Variants in PLXDC2 observed in about 807,000 individuals in gnomAD.
PLXDC2 encodes the protein plexin domain-containing protein 2.
A neutral mutation model predicts 68.9 loss-of-function variants in PLXDC2; 40 were observed. The observed-to-expected ratio is 0.58, with a 90% CI of 0.45 to 0.76. The LOEUF is 0.76. PLXDC2 is among the 30% of genes least tolerant of loss of function. PLXDC2 has a pLI of 0.00. For synonymous variants in PLXDC2, 243 were observed against 234.2 expected (o/e 1.04, Z -0.34); for missense variants, 644 against 661.9 (o/e 0.97, Z 0.30).
At chr10:19,988,152 T>C (rs1051764342) in intron 1 of PLXDC2, among the ~76,000 whole-genome samples, 7 of 152,024 alleles carry the variant, frequency 4.6e-5, no homozygotes, top group Middle Eastern at 3.4e-3. Context: ...TTACTATCCT[T>C]TCGTTAGAAT....
intron 1 of PLXDC2, among the ~76,000 whole-genome samples, chr10:19,846,176 G>A (rs1337171841): frequency 1.3e-5 from 2 of 152,130 alleles, no homozygotes; most frequent in Non-Finnish European, 2.9e-5. Context: ...CCACCCTAAA[G>A]AATAAATATA....
chr10:20,218,324 A>AAAAAT (rs1835167092), intron 11 of PLXDC2, among the ~76,000 whole-genome samples: 1 of 151,476 alleles, frequency 6.6e-6, no homozygotes, highest in Admixed American at 6.6e-5. Context: ...GCTTGAATAA[A>AAAAAT]AAATTAAATA....
rs1835989704 is a variant in PLXDC2 at position 20,055,894 on chromosome 10, T to C, written c.471+8879T>C. ...GTATAGTTATAAAATATTAAAGGAA[T>C]TCTCTTTGGATATTTAAAAGGTGTG... On this transcript the variant is annotated intron_variant, in intron 3 of 13. Transcript: ENST00000377252. Among the ~76,000 whole-genome samples the C allele has an allele frequency of 3.9e-5, 6 of 152,284 alleles. No individual in the cohort carries two copies. In the East Asian group the frequency reaches 1.2e-3, roughly 29 times the overall value.
intron 13 of PLXDC2, among the ~76,000 whole-genome samples, chr10:20,259,256 G>A (rs192129628): frequency 4.0e-5 from 6 of 151,738 alleles, no homozygotes; most frequent in Admixed American, 2.0e-4. Flanking sequence ...ATTTTAAAAC[G>A]TTCAGAAACA....
At position 20,147,769 on chromosome 10, in the gene PLXDC2, T is replaced by A. The variant is rs375598381; in HGVS notation, c.665-15T>A. On this transcript the variant is annotated splice_polypyrimidine_tract_variant and intron_variant, in intron 5 of 13. Coordinates refer to ENST00000377252, the MANE Select transcript of PLXDC2 (RefSeq NM_032812.9). ...TTTTCTCATTGCATTTCTTCTTTTTTCAATGGGTGTATAGGCACAGCACTT... is the reference window on the plus strand; with the variant it reads ...TTTTCTCATTGCATTTCTTCTTTTTACAATGGGTGTATAGGCACAGCACTT... The A allele has an allele frequency of 7.5e-6, 11 of 1,471,288 alleles. No individual in the cohort carries two copies. The highest frequency in any genetic ancestry group is 1.0e-5 in the Non-Finnish European group (11 of 1,065,852). 91.1% of individuals were successfully genotyped at this position (1,471,288 alleles called of 1,614,324 possible).
intron 1 of PLXDC2, 39 bp from the exon 2 acceptor site, chr10:20,001,736 A>T: frequency 6.3e-7 from 1 of 1,586,802 alleles, no homozygotes; most frequent in Non-Finnish European, 8.7e-7. Flanking sequence ...TATGGTACAC[A>T]TAATGAGTGG....
intron 13 of PLXDC2, among the ~76,000 whole-genome samples, chr10:20,248,247 G>C (rs1248983492): frequency 6.6e-6 from 1 of 152,152 alleles, no homozygotes; most frequent in African/African-American, 2.4e-5. Context: ...CAAAATAGTG[G>C]AATATTGTTT....
At chr10:20,257,613 G>C (rs1402968035) in intron 13 of PLXDC2, among the ~76,000 whole-genome samples, 1 of 152,154 alleles carries the variant, frequency 6.6e-6, no homozygotes, top group Non-Finnish European at 1.5e-5. Flanking sequence ...AGCAAGCAAG[G>C]CTCAGGTTTA....
chr10:20,252,105 G>C (rs980975124), intron 13 of PLXDC2, among the ~76,000 whole-genome samples: 1 of 152,154 alleles, frequency 6.6e-6, no homozygotes, highest in Admixed American at 6.5e-5. Flanking sequence ...TATTTCAGGA[G>C]GGGACTGATA....
chr10:19,817,050 C>G lies in PLXDC2; in HGVS notation c.-30C>G. The G allele has an allele frequency of 6.8e-6, 10 of 1,468,442 alleles. No homozygotes were observed. Among genetic ancestry groups the G allele is most frequent in the South Asian group, 1.3e-5 (1 of 75,924 alleles). 91.0% of individuals were successfully genotyped at this position (1,468,442 alleles called of 1,614,324 possible). A position where few individuals can be genotyped will look rare whatever the true frequency, so the allele number is the denominator to read the frequency against. On this transcript the variant is annotated 5_prime_UTR_variant, in exon 1 of 14. Transcript: ENST00000377252. ...CCCCCGAGCACCGGCGAAGGACTGG[C>G]GGGTGGGGTAGGGAGGTGGCGGCGG...
chr10:19,974,785 A>G (rs7898183), intron 1 of PLXDC2, among the ~76,000 whole-genome samples: 406 of 152,312 alleles, frequency 2.7e-3, no homozygotes, highest in African/African-American at 9.3e-3. Context: ...TAAATAAGTG[A>G]ACAAATATCT....
At chr10:20,083,786 A>T (rs1020970991) in intron 4 of PLXDC2, among the ~76,000 whole-genome samples, 2 of 152,180 alleles carry the variant, frequency 1.3e-5, no homozygotes, top group African/African-American at 4.8e-5. Context: ...AGGGCTTATG[A>T]GTACCATTCT....
chr10:20,186,236 A>G (rs374328320), intron 9 of PLXDC2, among the ~76,000 whole-genome samples: 1 of 151,964 alleles, frequency 6.6e-6, no homozygotes, highest in Non-Finnish European at 1.5e-5. Flanking sequence ...CTACCTAGTC[A>G]TCATAGACAG....
At chr10:20,040,159 A>C (rs73603692) in intron 2 of PLXDC2, among the ~76,000 whole-genome samples, 12,750 of 151,926 alleles carry the variant, frequency 0.084, 1,122 homozygotes, top group African/African-American at 0.22. Context: ...GAAACAGATG[A>C]CTCATTCCTT....
chr10:20,238,677 G>GTATATA (rs10633613), intron 12 of PLXDC2, among the ~76,000 whole-genome samples: 4,785 of 76,814 alleles, frequency 0.062, 374 homozygotes, highest in Middle Eastern at 0.079. Context: ...ATATATATAT[G>GTATATA]TATATATATA....
At chr10:20,005,495 G>C (rs896013369) in intron 2 of PLXDC2, among the ~76,000 whole-genome samples, 1 of 152,100 alleles carries the variant, frequency 6.6e-6, no homozygotes, top group Non-Finnish European at 1.5e-5. Flanking sequence ...AAGAAATACC[G>C]AGACTGGGTA....
chr10:19,826,017 A>G (rs999199406), intron 1 of PLXDC2, among the ~76,000 whole-genome samples: 1 of 152,172 alleles, frequency 6.6e-6, no homozygotes, highest in South Asian at 2.1e-4. Context: ...AAAAATGTCT[A>G]TATATAAATT....
chr10:20,209,396 G>T (rs749619760), intron 9 of PLXDC2, among the ~76,000 whole-genome samples: 3 of 151,806 alleles, frequency 2.0e-5, no homozygotes, highest in Non-Finnish European at 2.9e-5. Flanking sequence ...TGGGGTGGGG[G>T]AAGAGGGGAG....
chr10:20,058,015 G>T (rs1297577205), intron 3 of PLXDC2, among the ~76,000 whole-genome samples: 1 of 151,672 alleles, frequency 6.6e-6, no homozygotes, highest in African/African-American at 2.4e-5. Flanking sequence ...TAAAAAAAGA[G>T]AAGTTAGCAA....
Sources: allele counts gnomAD v4.1 joint callset (sites outside exome capture counted in the v4.1 genomes callset), GRCh38; gene constraint gnomAD v4.1.1; transcripts MANE v1.5; gene names NCBI Gene and HGNC (gene_info 2026-07-23, HGNC 2026-07-21).